Variants in ROBO1 observed in about 807,000 individuals in gnomAD.
ROBO1 encodes the protein roundabout homolog 1.
Under a neutral mutation model 195.9 loss-of-function variants are expected in ROBO1, and 149 were observed. That is an observed-to-expected ratio of 0.76 (90% CI 0.67 to 0.87). ROBO1 has a LOEUF of 0.87. Among genes scored for constraint, ROBO1 ranks in the 40% least tolerant of loss-of-function variants. ROBO1 has a pLI of 0.00. For synonymous variants in ROBO1, 816 were observed against 733.2 expected (o/e 1.11, Z -1.82); for missense variants, 1,933 against 2,068.3 (o/e 0.93, Z 1.27).
At chr3:78,641,964 G>C (rs553065783) in intron 21 of ROBO1, among the ~76,000 whole-genome samples, 1 of 152,200 alleles carries the variant, frequency 6.6e-6, no homozygotes, top group Non-Finnish European at 1.5e-5. Context: ...CATGATTACT[G>C]GCCTATAATG....
chr3:79,458,636 T>C (rs1293922885), intron 2 of ROBO1, among the ~76,000 whole-genome samples: 1 of 151,782 alleles, frequency 6.6e-6, no homozygotes, highest in Non-Finnish European at 1.5e-5. Flanking sequence ...AAAAAATATA[T>C]GGAGACGAGG....
chr3:79,296,194 T>C (rs1254358156), intron 2 of ROBO1, among the ~76,000 whole-genome samples: 6 of 152,164 alleles, frequency 3.9e-5, no homozygotes, highest in Non-Finnish European at 7.4e-5. Context: ...AAATTTCTTA[T>C]AAGAAGCATT....
intron 1 of ROBO1, among the ~76,000 whole-genome samples, chr3:79,748,677 G>A (rs1703980824): frequency 6.6e-6 from 1 of 151,978 alleles, no homozygotes; most frequent in East Asian, 1.9e-4. Context: ...TATGGGGATG[G>A]GTCTTTTTTG....
intron 1 of ROBO1, among the ~76,000 whole-genome samples, chr3:79,681,295 G>T (rs1576222592): frequency 6.6e-6 from 1 of 152,076 alleles, no homozygotes; most frequent in East Asian, 1.9e-4. Flanking sequence ...CAAGCTCTGG[G>T]ATATGAGAGT....
At chr3:78,635,466 T>C (rs778088426) in intron 23 of ROBO1, among the ~76,000 whole-genome samples, 24 of 152,184 alleles carry the variant, frequency 1.6e-4, no homozygotes, top group Non-Finnish European at 1.9e-4. Flanking sequence ...TGCGAGGTAT[T>C]GTGACAGTTG....
At chr3:78,691,163 T>A (rs1457627840) in intron 8 of ROBO1, among the ~76,000 whole-genome samples, 1 of 152,156 alleles carries the variant, frequency 6.6e-6, no homozygotes, top group Non-Finnish European at 1.5e-5. Context: ...CGTAATGGCC[T>A]AAATATGCTT....
Position 79,096,300 on chromosome 3 carries a change from T to C in ROBO1, c.172+29156A>G, listed in dbSNP as rs139137520. 4.2e-3 allele frequency among the ~76,000 whole-genome samples: 646 copies of C among 152,064 alleles called. 6 individuals are homozygous for C. Among genetic ancestry groups the C allele is most frequent in the African/African-American group, 0.015 (614 of 41,532 alleles). ...GTAGGCATATGGTCTTAGATTTGAGTAGATAATCTCAGAAGATCTCTAGAT... is the reference window on the plus strand; with the variant it reads ...GTAGGCATATGGTCTTAGATTTGAGCAGATAATCTCAGAAGATCTCTAGAT... On this transcript the variant is annotated intron_variant, in intron 3 of 30. Coordinates refer to ENST00000464233, the MANE Select transcript of ROBO1 (RefSeq NM_002941.4).
intron 1 of ROBO1, among the ~76,000 whole-genome samples, chr3:79,627,028 C>T (rs1193286072): frequency 6.6e-6 from 1 of 152,154 alleles, no homozygotes; most frequent in Non-Finnish European, 1.5e-5. Context: ...AACATTCCAT[C>T]CTCATGGATA....
chr3:78,819,658 T>C (rs186773651), intron 4 of ROBO1, among the ~76,000 whole-genome samples: 2 of 152,252 alleles, frequency 1.3e-5, no homozygotes, highest in Admixed American at 1.3e-4. Context: ...TGTTTGTCTA[T>C]CCCTACTCCA....
chr3:79,670,273 G>A (rs1946594175), intron 1 of ROBO1, among the ~76,000 whole-genome samples: 1 of 151,796 alleles, frequency 6.6e-6, no homozygotes. Flanking sequence ...TCACAAAGAT[G>A]TGCATTTTGT....
At chr3:79,572,907 T>C (rs966830755) in intron 2 of ROBO1, among the ~76,000 whole-genome samples, 2 of 152,032 alleles carry the variant, frequency 1.3e-5, no homozygotes, top group Non-Finnish European at 2.9e-5. Context: ...ATACGCAATA[T>C]AAGATTAGAA....
intron 2 of ROBO1, among the ~76,000 whole-genome samples, chr3:79,249,459 T>C (rs976257803): frequency 2.6e-5 from 4 of 152,228 alleles, no homozygotes; most frequent in African/African-American, 4.8e-5. Context: ...TTTGGATGCG[T>C]TGCTGGATCT....
intron 1 of ROBO1, among the ~76,000 whole-genome samples, chr3:79,623,784 T>G (rs1240121994): frequency 2.0e-5 from 3 of 152,028 alleles, no homozygotes; most frequent in Non-Finnish European, 4.4e-5. Flanking sequence ...CAGGATATAA[T>G]CCAGGAGAAC....
At chr3:79,306,178 C>T (rs1170079754) in intron 2 of ROBO1, among the ~76,000 whole-genome samples, 1 of 152,050 alleles carries the variant, frequency 6.6e-6, no homozygotes, top group East Asian at 1.9e-4. Flanking sequence ...TTTACTAATA[C>T]AGCATTTTTA....
rs1559772810 is a variant in ROBO1, at chr3:78,711,354, C to CTTTT, written c.1045+3042_1045+3043insAAAA. ...TTCCTTCCTTCCTTCCTTCCTCCTTCCTTCCTTCCTTCCTTCCTTCCTTCC... is the reference window on the plus strand; with the variant it reads ...TTCCTTCCTTCCTTCCTTCCTCCTTCTTTTCTTCCTTCCTTCCTTCCTTCCTTCC... On this transcript the variant is annotated intron_variant, in intron 8 of 30. Coordinates refer to ENST00000464233, the MANE Select transcript of ROBO1 (RefSeq NM_002941.4). Among the ~76,000 whole-genome samples the CTTTT allele has an allele frequency of 6.0e-4, 39 of 65,132 alleles. 1 individual carries two copies. The East Asian group carries it at 9.9e-3, about 16-fold the overall frequency. 42.7% of individuals were successfully genotyped at this position (65,132 alleles called of 152,430 possible). A position where few individuals can be genotyped will look rare whatever the true frequency, so the allele number is the denominator to read the frequency against.
intron 2 of ROBO1, among the ~76,000 whole-genome samples, chr3:79,392,451 A>C (rs564984651): frequency 6.6e-5 from 10 of 152,262 alleles, no homozygotes; most frequent in African/African-American, 2.2e-4. Context: ...ACCCATGGAG[A>C]AAAATGTCAA....
intron 2 of ROBO1, among the ~76,000 whole-genome samples, chr3:79,197,729 C>T (rs1195864158): frequency 6.6e-6 from 1 of 151,770 alleles, no homozygotes; most frequent in Non-Finnish European, 1.5e-5. Flanking sequence ...GTGATTGCCA[C>T]TGTAACTGGA....
intron 5 of ROBO1, among the ~76,000 whole-genome samples, chr3:78,739,747 T>C (rs917008675): frequency 6.6e-6 from 1 of 152,202 alleles, no homozygotes; most frequent in East Asian, 1.9e-4. Context: ...GAACATAATA[T>C]GGACTAGTTC....
chr3:79,184,552 T>G (rs774702054), intron 2 of ROBO1, among the ~76,000 whole-genome samples: 7 of 152,142 alleles, frequency 4.6e-5, no homozygotes, highest in Non-Finnish European at 5.9e-5. Flanking sequence ...TTTCTCTTGG[T>G]CAGTGTGGAC....
Sources: allele counts gnomAD v4.1 joint callset (sites outside exome capture counted in the v4.1 genomes callset), GRCh38; gene constraint gnomAD v4.1.1; transcripts MANE v1.5; gene names NCBI Gene and HGNC (gene_info 2026-07-23, HGNC 2026-07-21).